Variants in ATP10D observed in about 807,000 individuals in gnomAD.
ATP10D encodes the protein ATPase phospholipid transporting 10D (putative), also known as phospholipid-transporting ATPase VD.
ATP10D carries 89 observed loss-of-function variants against 144.8 expected under a neutral mutation model. That is an observed-to-expected ratio of 0.61 (90% confidence interval 0.52 to 0.73). The LOEUF (loss-of-function observed/expected upper bound fraction) is 0.73. Among genes scored for constraint, ATP10D ranks in the 30% least tolerant of loss-of-function variants. The pLI is 0.00. For missense variants in ATP10D, 1,603 were observed against 1,714.8 expected (o/e 0.93, Z 1.15); for synonymous variants, 571 against 615.1 (o/e 0.93, Z 1.06).
At chr4:47,580,836 T>C (rs551878371) in intron 20 of ATP10D, among the ~76,000 whole-genome samples, 3 of 152,148 alleles carry the variant, frequency 2.0e-5, no homozygotes, top group Non-Finnish European at 4.4e-5. Context: ...CTGAGGCAGT[T>C]GGATTGCTTG....
At chr4:47,581,837 T>C in intron 20 of ATP10D, 123 bp from the exon 21 acceptor site, 1 of 709,076 alleles carries the variant, frequency 1.4e-6, no homozygotes, top group Non-Finnish European at 2.5e-6. Flanking sequence ...GTTTATTTCA[T>C]ATGGCCAGTT....
intron 5 of ATP10D, among the ~76,000 whole-genome samples, chr4:47,535,171 A>T (rs1717774046): frequency 6.6e-6 from 1 of 152,108 alleles, no homozygotes; most frequent in South Asian, 2.1e-4. Context: ...TTGAAGGTGG[A>T]TGGTAAGAGG....
At chr4:47,560,185 G>C (rs1719219932) in intron 13 of ATP10D, 1 of 152,286 alleles carries the variant, frequency 6.6e-6, no homozygotes, top group East Asian at 1.9e-4. Context: ...AGTAGGCAGA[G>C]AGGGGAATTG....
At chr4:47,574,619 G>A (rs1269020109) in intron 18 of ATP10D, among the ~76,000 whole-genome samples, 2 of 152,156 alleles carry the variant, frequency 1.3e-5, no homozygotes, top group Non-Finnish European at 2.9e-5. Flanking sequence ...AGGTGCGGTG[G>A]CTCACGCCTG....
intron 16 of ATP10D, among the ~76,000 whole-genome samples, chr4:47,569,889 A>T (rs1719861767): frequency 6.6e-6 from 1 of 152,182 alleles, no homozygotes; most frequent in Non-Finnish European, 1.5e-5. Flanking sequence ...GAAAGCCATG[A>T]GGGGAACCGT....
intron 15 of ATP10D, among the ~76,000 whole-genome samples, chr4:47,564,938 A>G (rs1719526870): frequency 6.6e-6 from 1 of 152,106 alleles, no homozygotes; most frequent in African/African-American, 2.4e-5. Context: ...CAAGGCTGCC[A>G]TGATTGGTTA....
Position 47,512,589 on chromosome 4 carries a change from A to G in ATP10D, c.49A>G (p.Arg17Gly), listed in dbSNP as rs1184942423. 31 of 1,614,188 alleles carry G rather than the reference A, an allele frequency of 1.9e-5. No homozygotes were observed. The highest frequency in any genetic ancestry group is 2.6e-5 in the Non-Finnish European group (31 of 1,180,018). Residue 17 changes from arginine (R) to glycine (G), a missense_variant, in exon 2 of 23, where the codon AGA becomes GGA. By Grantham distance (125) the Arg-to-Gly change is moderately radical. Transcript: ENST00000273859. Reference sequence around the variant, plus strand: ...CAGATATCACTGGCGACGGCTGATCAGAGGTGCAACCAGGGATGATGATTC... The same window carrying G: ...CAGATATCACTGGCGACGGCTGATCGGAGGTGCAACCAGGGATGATGATTC... ...WARYHWRRLIRGATRDDDSGP... is the reference protein window; with the variant it reads ...WARYHWRRLIGGATRDDDSGP...
At chr4:47,569,249 C>A in intron 16 of ATP10D, 103 bp downstream of exon 16, 4 of 1,344,946 alleles carry the variant, frequency 3.0e-6, no homozygotes, top group Non-Finnish European at 4.0e-6. Context: ...CCATTTTCCT[C>A]CTCCCTTTTT....
At chr4:47,561,181 G>T in intron 14 of ATP10D, 106 bp downstream of exon 14, 2 of 1,423,246 alleles carry the variant, frequency 1.4e-6, no homozygotes, top group Non-Finnish European at 1.9e-6. Context: ...AACATATATG[G>T]TTCTGCCTAC....
chr4:47,576,700 C>A, intron 18 of ATP10D, 73 bp from the exon 19 acceptor site: 1 of 1,421,106 alleles, frequency 7.0e-7, no homozygotes, highest in South Asian at 1.2e-5. Context: ...CTCAAAATGG[C>A]AGCATTTGGA....
rs760406341 is a variant in ATP10D at position 47,568,946 on chromosome 4, C to G, written c.2963C>G (p.Pro988Arg). ...LSEDLLQPPV[P>R]RDSGLRAGLI... The stretch of plus-strand genomic sequence containing the variant: ...GAAGATTTACTTCAGCCTCCTGTCC[C>G]CCGGGACTCAGGGTTACGAGCTGGA... Residue 988 changes from proline to arginine, a missense_variant, in exon 16 of 23, where the codon CCC (proline) becomes CGC (arginine). Physicochemically the swap from Pro to Arg is moderately radical, Grantham distance 103. Coordinates refer to ENST00000273859, the MANE Select transcript of ATP10D (RefSeq NM_020453.4). 1.9e-6 allele frequency: 3 copies of G among 1,614,170 alleles called. No individual in the cohort carries two copies. The highest frequency in any genetic ancestry group is 2.5e-6 in the Non-Finnish European group (3 of 1,180,038).
At chr4:47,559,298 G>T (rs1560445129) in intron 13 of ATP10D, among the ~76,000 whole-genome samples, 1 of 152,110 alleles carries the variant, frequency 6.6e-6, no homozygotes, top group Admixed American at 6.5e-5. Flanking sequence ...CAGTTGTTTG[G>T]CTGGGAATAA....
At chr4:47,494,431 A>G (rs904549763) in intron 1 of ATP10D, among the ~76,000 whole-genome samples, 7 of 151,934 alleles carry the variant, frequency 4.6e-5, no homozygotes, top group African/African-American at 1.7e-4. Flanking sequence ...AAATCCAAGC[A>G]TAAAAATATT....
Position 47,536,538 on chromosome 4 carries a change from T to C in ATP10D, c.1117T>C (p.Phe373Leu), listed in dbSNP as rs780956265. ...ISPLLAGFYM[F>L]WTMIILLQVL... ...ACCACTGTTGGCAGGATTTTATATG[T>C]TTTGGACCATGATCATTTTGTTACA... Residue 373 changes from phenylalanine (F) to leucine (L), a missense_variant, in exon 8 of 23, where the codon TTT becomes CTT. Physicochemically the swap from Phe to Leu is conservative, Grantham distance 22. Transcript: ENST00000273859. 3.1e-6 allele frequency: 5 copies of C among 1,613,106 alleles called. No homozygotes were observed. The highest frequency in any genetic ancestry group is 4.2e-6 in the Non-Finnish European group (5 of 1,179,598).
chr4:47,587,281 ACGAATGGTTGGCAGC>A, intron 22 of ATP10D, 75 bp downstream of exon 22: 1 of 1,381,676 alleles, frequency 7.2e-7, no homozygotes, highest in South Asian at 1.4e-5. Flanking sequence ...CTACACTACT[ACGAATGGTTGGCAGC>A]CCACCCTGTT....
intron 2 of ATP10D, among the ~76,000 whole-genome samples, chr4:47,513,370 T>A (rs2109401329): frequency 6.6e-6 from 1 of 152,076 alleles, no homozygotes; most frequent in East Asian, 1.9e-4. Flanking sequence ...CCTTGTGGAG[T>A]TTGCAGTTGT....
In ATP10D at chr4:47,523,004, A is replaced by G. The variant is rs374452783; in HGVS notation, c.486-8A>G. The stretch of plus-strand genomic sequence containing the variant: ...TCTTTTTTTTTTTTAACTTTTTTTT[A>G]ATTACAGGAAAGAGAAAAAATACAT... On this transcript the variant is annotated splice_polypyrimidine_tract_variant and splice_region_variant and intron_variant, in intron 3 of 22. Coordinates refer to ENST00000273859, the MANE Select transcript of ATP10D (RefSeq NM_020453.4). The G allele has an allele frequency of 1.9e-6, 3 of 1,576,316 alleles. No individual in the cohort carries two copies. Among genetic ancestry groups the G allele is most frequent in the East Asian group, 2.2e-5 (1 of 44,484 alleles).
chr4:47,548,602 C>A (rs926914901), intron 10 of ATP10D, among the ~76,000 whole-genome samples: 83 of 152,320 alleles, frequency 5.4e-4, no homozygotes, highest in African/African-American at 1.8e-3. Context: ...AGCTACTTAC[C>A]AGGCTGTCTT....
At position 47,580,332 on chromosome 4, in the gene ATP10D, T is replaced by C; in HGVS notation, c.3568-66T>C. The C allele has an allele frequency of 6.5e-6, 8 of 1,233,252 alleles. No homozygotes were observed. In the East Asian group the frequency reaches 1.6e-4, roughly 25 times the overall value. The allele number at this position is 1,233,252 out of a possible 1,614,324, so 76.4% of individuals were successfully genotyped here. A position where few individuals can be genotyped will look rare whatever the true frequency, so the allele number is the denominator to read the frequency against. On this transcript the variant is annotated intron_variant, in intron 19 of 22. Coordinates refer to ENST00000273859, the MANE Select transcript of ATP10D (RefSeq NM_020453.4). ...AGAGAAACAAATGTAAGTACTGGCT[T>C]GTGTTGTTTCTTTTCTTGGACCCTT...
Sources: allele counts gnomAD v4.1 joint callset (sites outside exome capture counted in the v4.1 genomes callset), GRCh38; gene constraint gnomAD v4.1.1; transcripts MANE v1.5; gene names NCBI Gene and HGNC (gene_info 2026-07-23, HGNC 2026-07-21).